TRMT1L: variants seen among roughly 807,000 people sequenced by gnomAD.
TRMT1L encodes the protein tRNA (guanine(27)-N(2))-dimethyltransferase.
In TRMT1L, 28 loss-of-function variants were observed where a neutral mutation model predicts 81.6. The observed-to-expected ratio is 0.34, with a 90% CI of 0.25 to 0.47. The LOEUF (loss-of-function observed/expected upper bound fraction) is 0.47, where lower values mean the gene tolerates loss of function less well. Ranked by LOEUF, TRMT1L falls within the 20% of genes least tolerant of loss-of-function variation. The pLI is 1.00. For missense variants in TRMT1L, 739 were observed against 877.1 expected, an observed-to-expected ratio of 0.84 and a Z score of 1.99; for synonymous variants, 301 against 303.2, an observed-to-expected ratio of 0.99 and a Z score of 0.07.
At chr1:185,135,142 G>A (rs1652861913) in intron 10 of TRMT1L, among the ~76,000 whole-genome samples, 1 of 152,124 alleles carries the variant, frequency 6.6e-6, no homozygotes, top group African/African-American at 2.4e-5. Context: ...CAGGCCGGGT[G>A]TGGTGGCTCA....
chr1:185,142,668 A>AT (rs1478204521), intron 7 of TRMT1L, among the ~76,000 whole-genome samples: 1 of 149,806 alleles, frequency 6.7e-6, no homozygotes, highest in Non-Finnish European at 1.5e-5. Flanking sequence ...AAAAAAAAAA[A>AT]TTGTATCTGA....
chr1:185,147,219 G>A lies in TRMT1L; in HGVS notation c.488C>T (p.Pro163Leu), dbSNP rs1196392876. Reference protein sequence around the residue: ...EGYRMCICHLPCRPVKPNIIG... With the variant: ...EGYRMCICHLLCRPVKPNIIG... ...AATGTTTGGTTTCACTGGTCGACAA[G>A]GTAAGTGACAGATGCACATCCTGTA... The change falls in exon 4 of 15, where the codon CCT (proline) becomes CTT (leucine). Residue 163 changes from proline (P) to leucine (L), a missense_variant. By Grantham distance (98) the Pro-to-Leu change is moderately conservative. Transcript: ENST00000367506. 5 of 1,610,560 alleles carry A rather than the reference G, an allele frequency of 3.1e-6. No homozygotes were observed. In the South Asian group the frequency reaches 4.4e-5, roughly 14 times the overall value.
rs35115202 is a variant in TRMT1L, at chr1:185,143,336, CA to C, written c.859+20del. The stretch of plus-strand genomic sequence containing the variant: ...AAATTGAATAAATAAAATGGGGTTC[CA>C]AAAAAGTGTCCTCACTTACCAGTGG... On this transcript the variant is annotated intron_variant, in intron 7 of 14. Transcript: ENST00000367506. The C allele has an allele frequency of 5.7e-6, 9 of 1,574,488 alleles. No individual in the cohort carries two copies. The highest frequency in any genetic ancestry group is 3.6e-5 in the South Asian group (3 of 84,268).
Position 185,156,851 on chromosome 1 carries a change from A to C in TRMT1L, c.-139T>G. ...GGGGAGGGCGGGATGCGTGCAACAG[A>C]CAAAAGATGAAGAACCAGTGACCAA... On this transcript the variant is annotated 5_prime_UTR_variant, in exon 1 of 15. Coordinates refer to ENST00000367506, the MANE Select transcript of TRMT1L (RefSeq NM_030934.5). 8.3e-7 allele frequency: 1 copy of C among 1,200,376 alleles called. No homozygotes were observed. The highest frequency in any genetic ancestry group is 1.1e-6 in the Non-Finnish European group (1 of 883,326). The allele number at this position is 1,200,376 out of a possible 1,614,324, so 74.4% of individuals were successfully genotyped here.
intron 7 of TRMT1L, among the ~76,000 whole-genome samples, chr1:185,142,651 C>CAAA (rs71695141): frequency 1.9e-4 from 17 of 90,854 alleles, no homozygotes; most frequent in African/African-American, 5.5e-4. Flanking sequence ...AGTATTATTG[C>CAAA]AAAAAAAAAA....
At chr1:185,153,579 AG>A (rs1425824267) in intron 1 of TRMT1L, among the ~76,000 whole-genome samples, 14 of 152,184 alleles carry the variant, frequency 9.2e-5, no homozygotes, top group Admixed American at 7.2e-4. Flanking sequence ...CAGAATTGGA[AG>A]GGGAAAGGAA....
intron 9 of TRMT1L, 26 bp from the exon 10 acceptor site, chr1:185,137,822 T>C (rs1341936691): frequency 1.2e-6 from 2 of 1,607,554 alleles, no homozygotes; most frequent in Non-Finnish European, 1.7e-6. Context: ...TCAAGTTATT[T>C]TGTGGGCTTA....
At chr1:185,140,318 A>G in intron 7 of TRMT1L, 96 bp from the exon 8 acceptor site, 2 of 1,021,604 alleles carry the variant, frequency 2.0e-6, no homozygotes, top group Non-Finnish European at 2.8e-6. Context: ...ATAACAAATT[A>G]TTTCAAAATT....
chr1:185,142,145 A>G (rs995954606), intron 7 of TRMT1L, among the ~76,000 whole-genome samples: 1 of 152,204 alleles, frequency 6.6e-6, no homozygotes, highest in Non-Finnish European at 1.5e-5. Context: ...CAGAAGCATC[A>G]CCTCATCACT....
rs931545427 is a variant in TRMT1L at position 185,118,276 on chromosome 1, A to G, written c.*1743T>C. 1 of 152,190 alleles carries G rather than the reference A, an allele frequency of 6.6e-6. No individual in the cohort carries two copies. The highest frequency in any genetic ancestry group is 6.5e-5 in the Admixed American group (1 of 15,284). The allele number at this position is 152,190 out of a possible 1,614,324, so 9.4% of individuals were successfully genotyped here. On this transcript the variant is annotated 3_prime_UTR_variant, in exon 15 of 15. Coordinates refer to ENST00000367506, the MANE Select transcript of TRMT1L (RefSeq NM_030934.5). ...TGATGTAGTACCTGATCAGAGTTCT[A>G]AACTACCGCCTACCAAATTTTTCTT...
intron 10 of TRMT1L, 134 bp downstream of exon 10, chr1:185,137,472 T>A (rs780884149): frequency 1.1e-6 from 1 of 909,364 alleles, no homozygotes; most frequent in South Asian, 1.4e-5. Context: ...CGAAAGGAAA[T>A]CCAGTATAGG....
chr1:185,143,885 C>T (rs777449016), intron 6 of TRMT1L, 21 bp downstream of exon 6: 16 of 1,592,500 alleles, frequency 1.0e-5, no homozygotes, highest in Non-Finnish European at 1.3e-5. Flanking sequence ...ATCCCATAAC[C>T]CTATTTTCAA....
chr1:185,127,688 G>A (rs1652663930), intron 11 of TRMT1L, among the ~76,000 whole-genome samples: 2 of 150,720 alleles, frequency 1.3e-5, no homozygotes, highest in Admixed American at 6.6e-5. Context: ...GAACCTGGGA[G>A]GCAGAGGTTG....
At chr1:185,129,620 C>T (rs1652720396) in intron 10 of TRMT1L, among the ~76,000 whole-genome samples, 1 of 152,184 alleles carries the variant, frequency 6.6e-6, no homozygotes, top group Non-Finnish European at 1.5e-5. Context: ...ATCAATCAGT[C>T]CCAGATACAT....
chr1:185,142,672 TATCTGA>T (rs1378557841), intron 7 of TRMT1L, among the ~76,000 whole-genome samples: 1 of 151,120 alleles, frequency 6.6e-6, no homozygotes, highest in African/African-American at 2.4e-5. Flanking sequence ...AAAAAAATTG[TATCTGA>T]ATCTAATTAA....
chr1:185,120,847 AT>A (rs200865186), intron 13 of TRMT1L: 7 of 160,144 alleles, frequency 4.4e-5, no homozygotes, highest in South Asian at 2.0e-4. Context: ...TTAAGTTGTC[AT>A]TTTTTTTTCT....
At chr1:185,144,451 A>G (rs1364905774) in intron 5 of TRMT1L, among the ~76,000 whole-genome samples, 1 of 152,004 alleles carries the variant, frequency 6.6e-6, no homozygotes, top group Non-Finnish European at 1.5e-5. Flanking sequence ...GTAACTCCAT[A>G]TGGCTGCATT....
intron 10 of TRMT1L, among the ~76,000 whole-genome samples, chr1:185,130,838 G>C (rs1652751906): frequency 6.6e-6 from 1 of 152,076 alleles, no homozygotes; most frequent in South Asian, 2.1e-4. Context: ...TCTGTCCCCA[G>C]TGTGGCTCTC....
At chr1:185,132,233 A>AC (rs1268747009) in intron 10 of TRMT1L, among the ~76,000 whole-genome samples, 7 of 152,044 alleles carry the variant, frequency 4.6e-5, no homozygotes, top group Non-Finnish European at 8.8e-5. Flanking sequence ...AAAAGAACTC[A>AC]GAGGCTGGGC....
Sources: allele counts gnomAD v4.1 joint callset (sites outside exome capture counted in the v4.1 genomes callset), GRCh38; gene constraint gnomAD v4.1.1; transcripts MANE v1.5; gene names NCBI Gene and HGNC (gene_info 2026-07-23, HGNC 2026-07-21).